Variants in MALRD1 observed in about 807,000 individuals in gnomAD.
The protein encoded by MALRD1 is MAM and LDL receptor class A domain containing 1.
In MALRD1, 247 loss-of-function variants were observed where a neutral mutation model predicts 242.1. The observed-to-expected ratio is 1.02, with a 90% CI of 0.92 to 1.13. MALRD1 has a LOEUF of 1.13. Among genes scored for constraint, MALRD1 ranks in the 50% most tolerant of loss-of-function variants. MALRD1 has a pLI of 0.00. For synonymous variants in MALRD1, 995 were observed against 866.6 expected (o/e 1.15, Z -2.60); for missense variants, 2,989 against 2,533.1 (o/e 1.18, Z -3.86).
At chr10:19,349,455 T>C (rs1844275653) in intron 25 of MALRD1, among the ~76,000 whole-genome samples, 1 of 152,246 alleles carries the variant, frequency 6.6e-6, no homozygotes, top group Admixed American at 6.5e-5. Context: ...CAATTTCATC[T>C]ATCACATAGA....
At chr10:19,229,605 A>G (rs889764736) in intron 18 of MALRD1, among the ~76,000 whole-genome samples, 1 of 152,164 alleles carries the variant, frequency 6.6e-6, no homozygotes. Flanking sequence ...TTCCACCCAT[A>G]GAAAAGCAGG....
At chr10:19,471,223 C>G (rs1836476458) in intron 29 of MALRD1, among the ~76,000 whole-genome samples, 1 of 151,750 alleles carries the variant, frequency 6.6e-6, no homozygotes, top group Admixed American at 6.6e-5. Context: ...GCACCCTTGT[C>G]CAAAATTAGT....
intron 36 of MALRD1, among the ~76,000 whole-genome samples, chr10:19,689,580 A>G (rs1842738184): frequency 6.6e-6 from 1 of 152,222 alleles, no homozygotes; most frequent in South Asian, 2.1e-4. Flanking sequence ...GCAAAGAAAG[A>G]TGTGAAAACC....
At chr10:19,173,559 T>C (rs746104103) in intron 13 of MALRD1, among the ~76,000 whole-genome samples, 1 of 152,140 alleles carries the variant, frequency 6.6e-6, no homozygotes, top group Non-Finnish European at 1.5e-5. Flanking sequence ...ACTCATGGAA[T>C]TTTCCTCTCC....
intron 9 of MALRD1, 140 bp downstream of exon 9, chr10:19,134,088 C>G (rs1043762739): frequency 7.6e-6 from 3 of 393,942 alleles, no homozygotes; most frequent in African/African-American, 6.2e-5. Context: ...AGAGTGATTG[C>G]TTACTTTTTA....
intron 31 of MALRD1, among the ~76,000 whole-genome samples, chr10:19,520,518 G>C (rs1423231635): frequency 6.6e-6 from 1 of 152,054 alleles, no homozygotes; most frequent in Non-Finnish European, 1.5e-5. Flanking sequence ...CATCAAAAAA[G>C]AAATCCAGGT....
chr10:19,577,366 A>G (rs1415729106), intron 33 of MALRD1, among the ~76,000 whole-genome samples: 1 of 152,182 alleles, frequency 6.6e-6, no homozygotes, highest in African/African-American at 2.4e-5. Flanking sequence ...TTAGATTTGA[A>G]GGCAAAAACA....
At chr10:19,448,694 C>G (rs1835140889) in intron 28 of MALRD1, among the ~76,000 whole-genome samples, 1 of 151,992 alleles carries the variant, frequency 6.6e-6, no homozygotes, top group African/African-American at 2.4e-5. Context: ...CCACCCTCAG[C>G]TATCCATGTT....
At chr10:19,535,483 G>GTATATA (rs1834627379) in intron 32 of MALRD1, among the ~76,000 whole-genome samples, 2 of 148,156 alleles carry the variant, frequency 1.3e-5, no homozygotes, top group Non-Finnish European at 1.5e-5. Flanking sequence ...ATGTGTATAT[G>GTATATA]CATATACATA....
chr10:19,689,437 C>G (rs1489582915), intron 36 of MALRD1, among the ~76,000 whole-genome samples: 1 of 152,056 alleles, frequency 6.6e-6, no homozygotes, highest in African/African-American at 2.4e-5. Context: ...GACCATTTTA[C>G]AAGGAAAATT....
intron 18 of MALRD1, 41 bp from the exon 19 acceptor site, chr10:19,257,643 A>G (rs963124847): frequency 1.4e-6 from 2 of 1,380,880 alleles, no homozygotes; most frequent in East Asian, 2.5e-5. Context: ...TTTACCACAT[A>G]AACACATTTC....
intron 32 of MALRD1, among the ~76,000 whole-genome samples, chr10:19,535,467 GTATA>G (rs1045605009): frequency 1.8e-4 from 27 of 149,512 alleles, no homozygotes; most frequent in African/African-American, 6.6e-4. Context: ...ATAAATATAT[GTATA>G]TATGTGTATA....
intron 36 of MALRD1, among the ~76,000 whole-genome samples, chr10:19,629,934 A>G (rs1412512357): frequency 1.3e-5 from 2 of 152,220 alleles, no homozygotes; most frequent in Admixed American, 6.5e-5. Context: ...TTACAGAAGC[A>G]GAATCTAGCA....
chr10:19,218,408 A>G (rs1837419100), intron 18 of MALRD1, among the ~76,000 whole-genome samples: 2 of 152,146 alleles, frequency 1.3e-5, no homozygotes, highest in African/African-American at 4.8e-5. Context: ...CTTTGAAAAT[A>G]CGAAGAGTGT....
Position 19,297,734 on chromosome 10 carries a change from A to G in MALRD1, c.3419+14553A>G, listed in dbSNP as rs143548514. On this transcript the variant is annotated intron_variant, in intron 21 of 39. Coordinates refer to ENST00000454679, the MANE Select transcript of MALRD1 (RefSeq NM_001142308.3). The stretch of plus-strand genomic sequence containing the variant: ...GGGATGCAAAGATCTTTAAATTTAG[A>G]TTTAAAAAACTGTGTCATTTAAAAC... Among the ~76,000 whole-genome samples, 1,191 of 152,010 alleles carry G rather than the reference A, an allele frequency of 7.8e-3. 13 individuals carry two copies. The highest frequency in any genetic ancestry group is 0.028 in the African/African-American group (1,141 of 41,462).
intron 31 of MALRD1, among the ~76,000 whole-genome samples, chr10:19,511,349 C>A (rs1833393728): frequency 6.6e-6 from 1 of 152,030 alleles, no homozygotes; most frequent in African/African-American, 2.4e-5. Flanking sequence ...AAAAATATAT[C>A]TTCAAGAGCC....
At chr10:19,338,888 C>T (rs1274499398) in intron 24 of MALRD1, among the ~76,000 whole-genome samples, 1 of 149,604 alleles carries the variant, frequency 6.7e-6, no homozygotes, top group Admixed American at 6.7e-5. Flanking sequence ...CACACACGCA[C>T]ATATATACAT....
In MALRD1 at chr10:19,066,618, A is replaced by G. The variant is rs1239702184; in HGVS notation, c.200-101A>G. The G allele has an allele frequency of 4.5e-6, 4 of 882,582 alleles. No individual in the cohort carries two copies. The African/African-American group carries it at 5.2e-5, about 12-fold the overall frequency. 54.7% of individuals were successfully genotyped at this position (882,582 alleles called of 1,614,324 possible). On this transcript the variant is annotated intron_variant, in intron 1 of 39. Coordinates refer to ENST00000454679, the MANE Select transcript of MALRD1 (RefSeq NM_001142308.3). ...CTTATAAGGAATAATCTTTATGTTGACTTATGTCATTTGTTGCTAAACTTT... is the reference window on the plus strand; with the variant it reads ...CTTATAAGGAATAATCTTTATGTTGGCTTATGTCATTTGTTGCTAAACTTT...
intron 22 of MALRD1, among the ~76,000 whole-genome samples, chr10:19,326,894 TCCAC>T (rs1843157387): frequency 6.6e-6 from 1 of 152,138 alleles, no homozygotes; most frequent in South Asian, 2.1e-4. Flanking sequence ...CAGAAGTTGT[TCCAC>T]TCTCCTTTGA....
Sources: gnomAD v4.1 joint callset for allele counts (sites outside exome capture counted in the v4.1 genomes callset) on GRCh38, gnomAD v4.1.1 for gene constraint, MANE v1.5 for transcripts, NCBI Gene and HGNC (gene_info 2026-07-23, HGNC 2026-07-21) for gene names.